ST8SIA1: variants seen among roughly 807,000 people sequenced by gnomAD.
ST8SIA1 encodes the protein ST8 alpha-N-acetyl-neuraminide alpha-2,8-sialyltransferase 1, also known as alpha-N-acetylneuraminide alpha-2,8-sialyltransferase.
A neutral mutation model predicts 35.9 loss-of-function variants in ST8SIA1; 16 were observed. The observed-to-expected ratio is 0.45, with a 90% confidence interval of 0.30 to 0.68. The LOEUF is 0.68. Ranked by LOEUF, ST8SIA1 falls within the 30% of genes least tolerant of loss-of-function variation. ST8SIA1 has a pLI of 0.09. For synonymous variants in ST8SIA1, 170 were observed against 169.6 expected, an observed-to-expected ratio of 1.00 and a Z score of -0.02; for missense variants, 383 against 453.6, an observed-to-expected ratio of 0.84 and a Z score of 1.41.
intron 1 of ST8SIA1, chr12:22,325,362 T>C (rs901764046): frequency 2.9e-6 from 2 of 690,494 alleles, no homozygotes; most frequent in Non-Finnish European, 2.6e-6. Context: ...AAATGGAGAA[T>C]GTGTGGCTCT....
intron 1 of ST8SIA1, among the ~76,000 whole-genome samples, chr12:22,332,298 G>A (rs1007937904): frequency 2.0e-5 from 3 of 152,164 alleles, no homozygotes; most frequent in African/African-American, 7.2e-5. Flanking sequence ...AGGAACAAAT[G>A]TGTCTCAGAA....
At chr12:22,310,082 G>A (rs532122043) in intron 1 of ST8SIA1, among the ~76,000 whole-genome samples, 1 of 152,164 alleles carries the variant, frequency 6.6e-6, no homozygotes, top group African/African-American at 2.4e-5. Context: ...ACTGCTCTAT[G>A]GCATCGGTCA....
intron 1 of ST8SIA1, among the ~76,000 whole-genome samples, chr12:22,296,830 C>A (rs188139280): frequency 1.3e-5 from 2 of 152,124 alleles, no homozygotes; most frequent in African/African-American, 4.8e-5. Context: ...GGGCAGTCAT[C>A]GTAAGAACAG....
intron 4 of ST8SIA1, among the ~76,000 whole-genome samples, chr12:22,240,573 T>G (rs1865528243): frequency 6.6e-6 from 1 of 152,142 alleles, no homozygotes; most frequent in South Asian, 2.1e-4. Context: ...TATGGAAGTT[T>G]TAGGAACACA....
Position 22,231,476 on chromosome 12 carries a change from C to T in ST8SIA1, c.584+17530G>A, listed in dbSNP as rs555853176. ...AACCAGCCCATGTGGGAAGAAAATG[C>T]CTGGCTAGAATAAAGAAGCATAAGA... On this transcript the variant is annotated intron_variant, in intron 4 of 4. Coordinates refer to ENST00000396037, the MANE Select transcript of ST8SIA1 (RefSeq NM_003034.4). Among the ~76,000 whole-genome samples, 3 of 151,864 alleles carry T rather than the reference C, an allele frequency of 2.0e-5. No individual in the cohort carries two copies. In the South Asian group the frequency reaches 6.2e-4, roughly 32 times the overall value.
chr12:22,243,523 CCT>C (rs1337552523), intron 4 of ST8SIA1, among the ~76,000 whole-genome samples: 4 of 152,098 alleles, frequency 2.6e-5, no homozygotes, highest in Admixed American at 1.3e-4. Context: ...TGTTTACCAC[CCT>C]GTTTGCATAT....
In ST8SIA1 at chr12:22,216,886, A is replaced by G. The variant is rs191576234; in HGVS notation, c.585-14848T>C. Among the ~76,000 whole-genome samples, 377 of 152,378 alleles carry G rather than the reference A, an allele frequency of 2.5e-3. 1 individual carries two copies. The highest frequency in any genetic ancestry group is 4.2e-3 in the Non-Finnish European group (286 of 68,034). Reference sequence around the variant, plus strand: ...GCTATTTCTTTTTTAAGGAATACCAAGATAACATAAGAGATACTTTGATTG... The same window carrying G: ...GCTATTTCTTTTTTAAGGAATACCAGGATAACATAAGAGATACTTTGATTG... On this transcript the variant is annotated intron_variant, in intron 4 of 4. Transcript: ENST00000396037.
chr12:22,214,175 CAA>C lies in ST8SIA1; in HGVS notation c.585-12139_585-12138del, dbSNP rs1449304234. ...GTGGGCAAAGGAGACAGAGCTGCAG[CAA>C]AGAGTAGACAAAAAAGGAAGGTGAC... On this transcript the variant is annotated intron_variant, in intron 4 of 4. Transcript: ENST00000396037. Among the ~76,000 whole-genome samples the C allele has an allele frequency of 4.6e-5, 7 of 151,718 alleles. No individual in the cohort carries two copies. In the East Asian group the frequency reaches 1.4e-3, roughly 29 times the overall value.
intron 1 of ST8SIA1, among the ~76,000 whole-genome samples, chr12:22,329,059 A>C (rs1188054992): frequency 6.6e-6 from 1 of 152,208 alleles, no homozygotes; most frequent in Non-Finnish European, 1.5e-5. Flanking sequence ...CTCGAGCAAA[A>C]CCAATATAGC....
At chr12:22,254,238 TACA>T (rs1223125594) in intron 3 of ST8SIA1, among the ~76,000 whole-genome samples, 3 of 152,138 alleles carry the variant, frequency 2.0e-5, no homozygotes, top group African/African-American at 7.2e-5. Flanking sequence ...TTTCTTTTTC[TACA>T]ACATGTCCAC....
At chr12:22,251,574 A>G (rs533522955) in intron 3 of ST8SIA1, among the ~76,000 whole-genome samples, 34 of 152,334 alleles carry the variant, frequency 2.2e-4, no homozygotes, top group African/African-American at 7.9e-4. Flanking sequence ...AAGCACACCA[A>G]TAATTTTAGT....
chr12:22,327,279 G>A (rs1267749296), intron 1 of ST8SIA1, among the ~76,000 whole-genome samples: 1 of 152,220 alleles, frequency 6.6e-6, no homozygotes, highest in Admixed American at 6.5e-5. Flanking sequence ...TGAAACTCCA[G>A]GAAGTTTGGT....
chr12:22,308,901 C>CAAA (rs1866416408), intron 1 of ST8SIA1, among the ~76,000 whole-genome samples: 2 of 152,108 alleles, frequency 1.3e-5, no homozygotes, highest in African/African-American at 4.8e-5. Flanking sequence ...TTCCTCCCAT[C>CAAA]ACCTAAATAT....
At chr12:22,292,285 C>T (rs1319802148) in intron 1 of ST8SIA1, among the ~76,000 whole-genome samples, 1 of 152,148 alleles carries the variant, frequency 6.6e-6, no homozygotes, top group Non-Finnish European at 1.5e-5. Flanking sequence ...TTCCTCATAT[C>T]CCTCTTCCCT....
chr12:22,215,689 C>T (rs899587490), intron 4 of ST8SIA1, among the ~76,000 whole-genome samples: 10 of 152,190 alleles, frequency 6.6e-5, no homozygotes. Flanking sequence ...GCACAACCAT[C>T]CATCAGTGAC....
chr12:22,265,437 A>C (rs1213662626), intron 2 of ST8SIA1, among the ~76,000 whole-genome samples: 2 of 152,196 alleles, frequency 1.3e-5, no homozygotes, highest in Non-Finnish European at 2.9e-5. Context: ...CATGTTGATG[A>C]GCATCACCTT....
intron 1 of ST8SIA1, among the ~76,000 whole-genome samples, chr12:22,330,149 C>G (rs1199225736): frequency 6.6e-6 from 1 of 152,154 alleles, no homozygotes; most frequent in African/African-American, 2.4e-5. Flanking sequence ...ATCCTCACCT[C>G]TTACCACTAT....
chr12:22,208,419 C>A (rs772102186), intron 4 of ST8SIA1, among the ~76,000 whole-genome samples: 1 of 151,896 alleles, frequency 6.6e-6, no homozygotes, highest in African/African-American at 2.4e-5. Flanking sequence ...CAGCAGGAAT[C>A]ATATATTAAA....
chr12:22,263,991 A>G (rs1033166827), intron 2 of ST8SIA1, among the ~76,000 whole-genome samples: 1 of 152,020 alleles, frequency 6.6e-6, no homozygotes, highest in Non-Finnish European at 1.5e-5. Flanking sequence ...GACCATAAGA[A>G]CTCAACTCAC....
Sources: gnomAD v4.1 joint callset for allele counts (sites outside exome capture counted in the v4.1 genomes callset) on GRCh38, gnomAD v4.1.1 for gene constraint, MANE v1.5 for transcripts, NCBI Gene and HGNC (gene_info 2026-07-23, HGNC 2026-07-21) for gene names.